Variants in MECOM observed in about 807,000 individuals in gnomAD.
MECOM encodes the protein histone-lysine N-methyltransferase MECOM.
In MECOM, 13 loss-of-function variants were observed where a neutral mutation model predicts 116.3. That is an observed-to-expected ratio of 0.11 (90% CI 0.07 to 0.18). The LOEUF (loss-of-function observed/expected upper bound fraction) is 0.18. MECOM is among the 10% of genes least tolerant of loss of function. MECOM has a pLI of 1.00. For missense variants in MECOM, 1,299 were observed against 1,509.0 expected, an observed-to-expected ratio of 0.86 and a Z score of 2.31; for synonymous variants, 528 against 535.2, an observed-to-expected ratio of 0.99 and a Z score of 0.19.
At chr3:169,580,449 G>A (rs1765001865) in intron 1 of MECOM, among the ~76,000 whole-genome samples, 1 of 151,880 alleles carries the variant, frequency 6.6e-6, no homozygotes, top group African/African-American at 2.4e-5. Context: ...TCACTGTGGA[G>A]GTACATATCA....
chr3:169,391,923 T>C (rs1029876993), intron 1 of MECOM, among the ~76,000 whole-genome samples: 5 of 152,120 alleles, frequency 3.3e-5, no homozygotes, highest in African/African-American at 9.7e-5. Flanking sequence ...TAATGGGAAC[T>C]GACTTTCAAA....
chr3:169,581,197 C>A (rs1401903803), intron 1 of MECOM, among the ~76,000 whole-genome samples: 1 of 152,200 alleles, frequency 6.6e-6, no homozygotes, highest in Non-Finnish European at 1.5e-5. Flanking sequence ...CACCGAATCT[C>A]TGATATTCCA....
At chr3:169,642,354 G>A (rs958203396) in intron 1 of MECOM, among the ~76,000 whole-genome samples, 6 of 151,812 alleles carry the variant, frequency 4.0e-5, no homozygotes, top group East Asian at 1.9e-4. Flanking sequence ...TAAAATAGTC[G>A]GGTAACTGAT....
At chr3:169,194,180 G>A (rs1162763630) in intron 2 of MECOM, among the ~76,000 whole-genome samples, 1 of 151,916 alleles carries the variant, frequency 6.6e-6, no homozygotes, top group Non-Finnish European at 1.5e-5. Context: ...GGACCAACAA[G>A]GTACCTTCTC....
chr3:169,661,511 G>A (rs1290028853), intron 1 of MECOM, among the ~76,000 whole-genome samples: 1 of 152,164 alleles, frequency 6.6e-6, no homozygotes, highest in Non-Finnish European at 1.5e-5. Context: ...AAGAGAAACA[G>A]ATGGACTGAT....
At chr3:169,470,856 C>T (rs1232414291) in intron 1 of MECOM, among the ~76,000 whole-genome samples, 1 of 152,108 alleles carries the variant, frequency 6.6e-6, no homozygotes, top group Admixed American at 6.6e-5. Flanking sequence ...GAGATAGATT[C>T]AAATAGCTAG....
chr3:169,256,342 A>C (rs1432325985), intron 2 of MECOM, among the ~76,000 whole-genome samples: 2 of 151,434 alleles, frequency 1.3e-5, no homozygotes, highest in Admixed American at 6.6e-5. Context: ...AATTCAAACA[A>C]GAAAAAAAAA....
intron 1 of MECOM, among the ~76,000 whole-genome samples, chr3:169,618,007 C>T (rs1770233095): frequency 6.6e-6 from 1 of 152,166 alleles, no homozygotes; most frequent in Non-Finnish European, 1.5e-5. Flanking sequence ...AAGCTTTCTC[C>T]TCCTTCATAG....
intron 1 of MECOM, among the ~76,000 whole-genome samples, chr3:169,615,752 C>T (rs1350562907): frequency 6.6e-6 from 1 of 152,190 alleles, no homozygotes; most frequent in East Asian, 1.9e-4. Flanking sequence ...GCAACTCAAA[C>T]AATGAATCTT....
At chr3:169,555,676 G>C (rs140383287) in intron 1 of MECOM, among the ~76,000 whole-genome samples, 1 of 152,122 alleles carries the variant, frequency 6.6e-6, no homozygotes, top group African/African-American at 2.4e-5. Context: ...CCAAGTTTTC[G>C]AGGTACCATT....
intron 1 of MECOM, among the ~76,000 whole-genome samples, chr3:169,584,200 G>C (rs1031830614): frequency 6.6e-6 from 1 of 152,120 alleles, no homozygotes; most frequent in Admixed American, 6.5e-5. Flanking sequence ...TTAAAAGACA[G>C]TAATAGACAT....
intron 2 of MECOM, among the ~76,000 whole-genome samples, chr3:169,163,712 A>G (rs1178085699): frequency 6.6e-6 from 1 of 152,142 alleles, no homozygotes; most frequent in East Asian, 1.9e-4. Context: ...AGGCTACATT[A>G]TTTCAGACAT....
In MECOM at chr3:169,084,826, G is replaced by A; in HGVS notation, c.*83C>T. On this transcript the variant is annotated 3_prime_UTR_variant, in exon 17 of 17. Transcript: ENST00000651503. ...ACCCTGCAGGTTTATAAGGCATTCT[G>A]CTCAGCAGTCTTGTAAATAGTCCTA... The A allele has an allele frequency of 6.6e-7, 1 of 1,510,250 alleles. No homozygotes were observed. Among genetic ancestry groups the A allele is most frequent in the East Asian group, 2.3e-5 (1 of 44,020 alleles). The allele number at this position is 1,510,250 out of a possible 1,614,324, so 93.6% of individuals were successfully genotyped here. A position where few individuals can be genotyped will look rare whatever the true frequency, so the allele number is the denominator to read the frequency against.
At chr3:169,339,816 G>C (rs1298281045) in intron 2 of MECOM, among the ~76,000 whole-genome samples, 1 of 152,214 alleles carries the variant, frequency 6.6e-6, no homozygotes, top group African/African-American at 2.4e-5. Flanking sequence ...TATGTACAAA[G>C]TAATGGGTGT....
intron 1 of MECOM, among the ~76,000 whole-genome samples, chr3:169,526,175 C>T (rs1241805689): frequency 2.0e-5 from 3 of 152,054 alleles, no homozygotes; most frequent in Admixed American, 6.5e-5. Flanking sequence ...AATAACCCTT[C>T]TATGTTCAAT....
At chr3:169,191,712 GAAAGA>G (rs1215747378) in intron 2 of MECOM, among the ~76,000 whole-genome samples, 623 of 44,284 alleles carry the variant, frequency 0.014, 14 homozygotes, top group African/African-American at 0.035. Context: ...AAGAAAGAAA[GAAAGA>G]AAAAAAGAAA....
At chr3:169,515,294 C>G (rs1398556589) in intron 1 of MECOM, among the ~76,000 whole-genome samples, 1 of 152,184 alleles carries the variant, frequency 6.6e-6, no homozygotes, top group East Asian at 1.9e-4. Context: ...CTCACTCACT[C>G]CATTGTGTCT....
At chr3:169,147,025 C>T in intron 2 of MECOM, 1 of 991,698 alleles carries the variant, frequency 1.0e-6, no homozygotes, top group Non-Finnish European at 1.2e-6. Context: ...AGTCTTCTTT[C>T]GTCTGGGTGA....
intron 2 of MECOM, among the ~76,000 whole-genome samples, chr3:169,206,675 C>T (rs1197050099): frequency 6.6e-6 from 1 of 151,298 alleles, no homozygotes; most frequent in Non-Finnish European, 1.5e-5. Context: ...ATCGCTTGAA[C>T]TCAGGAGGCG....
Sources: allele counts gnomAD v4.1 joint callset (sites outside exome capture counted in the v4.1 genomes callset), GRCh38; gene constraint gnomAD v4.1.1; transcripts MANE v1.5; gene names NCBI Gene and HGNC (gene_info 2026-07-23, HGNC 2026-07-21).